The following FIRRM variants were observed in gnomAD, a reference collection of about 807,000 sequenced individuals.
FIRRM encodes FIGNL1 interacting regulator of recombination and mitosis.
chr1:169,842,506 G>A, the FIRRM span: 2 of 1,613,944 alleles, frequency 1.2e-6, no homozygotes, highest in East Asian at 2.2e-5. Flanking sequence ...TCGAAGTTGT[G>A]AGTCAGCTTT....
At chr1:169,842,174 C>CAAAA in the FIRRM span, among the ~76,000 whole-genome samples, 1 of 84,036 alleles carries the variant, frequency 1.2e-5, no homozygotes, top group Non-Finnish European at 2.4e-5. Flanking sequence ...GATGCCATCT[C>CAAAA]AAAAAAAAAA....
chr1:169,785,452 T>A, the FIRRM span, among the ~76,000 whole-genome samples: 1 of 151,534 alleles, frequency 6.6e-6, no homozygotes, highest in Non-Finnish European at 1.5e-5. Flanking sequence ...AATGTGGGAG[T>A]TTTATGGAGT....
chr1:169,847,041 G>T, the FIRRM span, among the ~76,000 whole-genome samples: 34,324 of 151,962 alleles, frequency 0.23, 4,318 homozygotes, highest in Middle Eastern at 0.29. Context: ...CCCAAGGAGA[G>T]GGGGAGAGAC....
chr1:169,787,331 T>C, the FIRRM span, among the ~76,000 whole-genome samples: 1 of 152,210 alleles, frequency 6.6e-6, no homozygotes, highest in Non-Finnish European at 1.5e-5. Flanking sequence ...TATGCCCACC[T>C]GCAGACTTTT....
chr1:169,851,630 T>G, the FIRRM span: 1 of 684,998 alleles, frequency 1.5e-6, no homozygotes, highest in Non-Finnish European at 2.4e-6. Flanking sequence ...CTAACTATTT[T>G]GTAAGGAAGA....
the FIRRM span, chr1:169,829,397 T>C: frequency 6.2e-7 from 1 of 1,613,846 alleles, no homozygotes; most frequent in African/African-American, 1.3e-5. Context: ...CATGTTTGTG[T>C]TCATCTGTGT....
chr1:169,814,628 G>C, the FIRRM span, among the ~76,000 whole-genome samples: 24 of 152,158 alleles, frequency 1.6e-4, no homozygotes, highest in African/African-American at 5.5e-4. Context: ...TAGTGATCCT[G>C]GAAGTGCTCC....
chr1:169,808,002 T>A, the FIRRM span: 3 of 1,391,672 alleles, frequency 2.2e-6, no homozygotes, highest in East Asian at 4.7e-5. Context: ...CTCATTTGAA[T>A]GTCTGGGTCA....
chr1:169,842,407 T>C, the FIRRM span: 5 of 1,608,862 alleles, frequency 3.1e-6, no homozygotes. Context: ...TTCCTGTTTC[T>C]GTCCTTCAGA....
the FIRRM span, among the ~76,000 whole-genome samples, chr1:169,826,305 C>T: frequency 0.066 from 10,040 of 151,134 alleles, 424 homozygotes; most frequent in Non-Finnish European, 0.099. Context: ...CTCCCAACCT[C>T]GCTTGCCTCG....
At chr1:169,848,467 C>G in the FIRRM span, among the ~76,000 whole-genome samples, 1 of 152,178 alleles carries the variant, frequency 6.6e-6, no homozygotes, top group East Asian at 1.9e-4. Context: ...CTAATGAGAA[C>G]TTTCTTACAT....
At chr1:169,789,339 G>A in the FIRRM span, among the ~76,000 whole-genome samples, 4 of 152,130 alleles carry the variant, frequency 2.6e-5, no homozygotes, top group South Asian at 2.1e-4. Context: ...TAATCTTCTC[G>A]AAAATCTAAT....
chr1:169,847,359 A>C, the FIRRM span, among the ~76,000 whole-genome samples: 1 of 151,624 alleles, frequency 6.6e-6, no homozygotes, highest in Non-Finnish European at 1.5e-5. Context: ...TTCAAATTGC[A>C]ATAAATCAAA....
At chr1:169,825,957 A>G in the FIRRM span, 1 of 157,284 alleles carries the variant, frequency 6.4e-6, no homozygotes, top group Non-Finnish European at 1.4e-5. Context: ...ATTTTCATGA[A>G]ATAATCTTTC....
At chr1:169,843,538 G>A in the FIRRM span, 3 of 604,142 alleles carry the variant, frequency 5.0e-6, no homozygotes, top group Non-Finnish European at 8.8e-6. Context: ...GAGCTGTTTT[G>A]TAAGGCATAA....
At chr1:169,819,165 T>C in the FIRRM span, among the ~76,000 whole-genome samples, 1 of 152,188 alleles carries the variant, frequency 6.6e-6, no homozygotes, top group South Asian at 2.1e-4. Flanking sequence ...AGAGAAACAC[T>C]ATAGAAAAAG....
chr1:169,842,520 C>A, the FIRRM span: 1 of 1,613,526 alleles, frequency 6.2e-7, no homozygotes. Context: ...CAGCTTTGGG[C>A]TTTTTTAAAC....
the FIRRM span, among the ~76,000 whole-genome samples, chr1:169,784,387 C>T: frequency 1.3e-5 from 2 of 152,166 alleles, no homozygotes; most frequent in Admixed American, 6.5e-5. Flanking sequence ...TTGCAGGCAA[C>T]CCCTTGACTC....
chr1:169,795,080 A>C, the FIRRM span: 5 of 1,525,060 alleles, frequency 3.3e-6, no homozygotes, highest in Non-Finnish European at 4.4e-6. Context: ...GTCTGGTTTG[A>C]AGCTCTCCTG....
Sources: allele counts gnomAD v4.1 joint callset (sites outside exome capture counted in the v4.1 genomes callset), GRCh38; gene constraint gnomAD v4.1.1; transcripts MANE v1.5; gene names NCBI Gene and HGNC (gene_info 2026-07-23, HGNC 2026-07-21).